Variants in CASQ2 observed in about 807,000 individuals in gnomAD.
CASQ2 encodes the protein calsequestrin-2.
A neutral mutation model predicts 46.5 loss-of-function variants in CASQ2; 49 were observed. The observed-to-expected ratio is 1.05, with a 90% CI of 0.84 to 1.34. The LOEUF is 1.34. Among genes scored for constraint, CASQ2 ranks in the 40% most tolerant of loss-of-function variants. The pLI is 0.00. For missense variants in CASQ2, 486 were observed against 481.3 expected (o/e 1.01, Z -0.09); for synonymous variants, 174 against 168.5 (o/e 1.03, Z -0.25).
chr1:115,757,822 A>C (rs1183430119), intron 1 of CASQ2, among the ~76,000 whole-genome samples: 1 of 152,226 alleles, frequency 6.6e-6, no homozygotes, highest in Non-Finnish European at 1.5e-5. Context: ...CAATACTTTA[A>C]AAAATTTAAC....
intron 1 of CASQ2, among the ~76,000 whole-genome samples, chr1:115,758,626 C>T (rs1472932257): frequency 6.6e-6 from 1 of 152,144 alleles, no homozygotes; most frequent in Admixed American, 6.5e-5. Context: ...TAATGTCCTC[C>T]GTGGGTGGGG....
chr1:115,702,440 G>A (rs1198720169), intron 10 of CASQ2, among the ~76,000 whole-genome samples: 1 of 152,176 alleles, frequency 6.6e-6, no homozygotes, highest in East Asian at 1.9e-4. Flanking sequence ...AACAATGCCT[G>A]AACTCTGAGG....
chr1:115,743,819 G>A (rs1648282904), intron 2 of CASQ2, among the ~76,000 whole-genome samples: 1 of 151,612 alleles, frequency 6.6e-6, no homozygotes, highest in Non-Finnish European at 1.5e-5. Flanking sequence ...CAAATGGGCA[G>A]TACATGTGTG....
At position 115,768,345 on chromosome 1, in the gene CASQ2, G is replaced by C; in HGVS notation, c.197C>G (p.Thr66Arg). ...TTCTTTCAGTTGGAACTGTTTTTGC[G>C]TGACCTTATCTGAAGACACCGGCTC... ...YHEPVSSDKV[T>R]QKQFQLKEIV... is the part of the protein sequence containing the mutation. Residue 66 changes from threonine to arginine, a missense_variant, in exon 1 of 11, where the codon ACG (threonine) becomes AGG (arginine). Coordinates refer to ENST00000261448, the MANE Select transcript of CASQ2 (RefSeq NM_001232.4). The C allele has an allele frequency of 6.2e-7, 1 of 1,613,754 alleles. No homozygotes were observed. Among genetic ancestry groups the C allele is most frequent in the Non-Finnish European group, 8.5e-7 (1 of 1,179,756 alleles).
At chr1:115,715,865 A>C (rs978248566) in intron 8 of CASQ2, among the ~76,000 whole-genome samples, 5 of 152,174 alleles carry the variant, frequency 3.3e-5, no homozygotes, top group Admixed American at 2.6e-4. Context: ...TCTGCCAGAC[A>C]AATATTTATT....
At chr1:115,745,289 C>T (rs984302136) in intron 1 of CASQ2, among the ~76,000 whole-genome samples, 1 of 152,134 alleles carries the variant, frequency 6.6e-6, no homozygotes, top group Non-Finnish European at 1.5e-5. Context: ...GCCAAATGTA[C>T]CTGGGGCAGA....
At chr1:115,726,219 G>T (rs533278786) in intron 6 of CASQ2, among the ~76,000 whole-genome samples, 1 of 152,338 alleles carries the variant, frequency 6.6e-6, no homozygotes, top group African/African-American at 2.4e-5. Flanking sequence ...GGACAAGCCA[G>T]TGAGTCCACT....
intron 7 of CASQ2, among the ~76,000 whole-genome samples, chr1:115,720,703 A>C (rs1647337421): frequency 6.6e-6 from 1 of 152,194 alleles, no homozygotes. Context: ...CTTCCTTTGG[A>C]TACCCCAGCA....
intron 7 of CASQ2, among the ~76,000 whole-genome samples, chr1:115,724,929 T>C (rs938618074): frequency 1.3e-5 from 2 of 152,192 alleles, no homozygotes; most frequent in Admixed American, 6.5e-5. Context: ...GCTCTGATGA[T>C]CAATGAACAG....
intron 1 of CASQ2, among the ~76,000 whole-genome samples, chr1:115,751,002 G>A (rs972840285): frequency 3.4e-5 from 5 of 149,148 alleles, no homozygotes; most frequent in Non-Finnish European, 7.5e-5. Flanking sequence ...AGTGCACAGG[G>A]CTTGGAATCA....
intron 4 of CASQ2, among the ~76,000 whole-genome samples, chr1:115,735,899 C>T (rs147668106): frequency 0.015 from 2,264 of 152,270 alleles, 46 homozygotes; most frequent in African/African-American, 0.05. Flanking sequence ...TAGTGGCTCA[C>T]GCCTGTAATC....
At chr1:115,761,463 G>GA (rs1557806732) in intron 1 of CASQ2, among the ~76,000 whole-genome samples, 1 of 12,938 alleles carries the variant, frequency 7.7e-5, no homozygotes. Context: ...AGAAGAAGAA[G>GA]GAGAAGAAGA....
intron 1 of CASQ2, among the ~76,000 whole-genome samples, chr1:115,758,408 C>G (rs1271006591): frequency 6.6e-6 from 1 of 152,164 alleles, no homozygotes; most frequent in Non-Finnish European, 1.5e-5. Flanking sequence ...TGTTGAATAC[C>G]TACTGAGTCA....
intron 1 of CASQ2, among the ~76,000 whole-genome samples, chr1:115,755,936 T>C (rs1648744747): frequency 1.3e-5 from 2 of 152,316 alleles, no homozygotes; most frequent in East Asian, 3.9e-4. Context: ...CACAGCTAGG[T>C]GCTACTGCCA....
Position 115,722,037 on chromosome 1 carries a change from G to A in CASQ2, c.783+3471C>T, listed in dbSNP as rs1225208036. On this transcript the variant is annotated intron_variant, in intron 7 of 10. Transcript: ENST00000261448. ...AAAGTGGCTCCTCAGAGGTCCTTTG[G>A]ATGGACTGATTTCTGTTTCTCCCTT... Among the ~76,000 whole-genome samples, 4 of 152,276 alleles carry A rather than the reference G, an allele frequency of 2.6e-5. No homozygotes were observed. The East Asian group carries it at 5.8e-4, about 22-fold the overall frequency.
chr1:115,765,322 C>T (rs1290544058), intron 1 of CASQ2, among the ~76,000 whole-genome samples: 1 of 152,204 alleles, frequency 6.6e-6, no homozygotes, highest in Admixed American at 6.5e-5. Flanking sequence ...AGGCAGTGAC[C>T]TCCTCACTCT....
Position 115,701,333 on chromosome 1 carries a change from T to A in CASQ2, c.1108A>T (p.Ile370Leu). ...TCTTCATCATCATCTTCAGTGTTTA[T>A]CTTTCCAGAAAGCACATCCTCAATC... Reference protein sequence around the residue: ...DWIEDVLSGKINTEDDDEDDD... With the variant: ...DWIEDVLSGKLNTEDDDEDDD... Residue 370 changes from isoleucine to leucine, a missense_variant, in exon 11 of 11, where the codon ATA becomes TTA. Coordinates refer to ENST00000261448, the MANE Select transcript of CASQ2 (RefSeq NM_001232.4). The A allele has an allele frequency of 1.2e-6, 2 of 1,612,184 alleles. No homozygotes were observed. Among genetic ancestry groups the A allele is most frequent in the Middle Eastern group, 1.7e-4 (1 of 6,058 alleles).
chr1:115,748,186 TA>T (rs1413295276), intron 1 of CASQ2, among the ~76,000 whole-genome samples: 1 of 152,218 alleles, frequency 6.6e-6, no homozygotes, highest in Non-Finnish European at 1.5e-5. Flanking sequence ...ACTCATACTA[TA>T]AATCCCTCTA....
At chr1:115,754,816 T>C (rs1199992313) in intron 1 of CASQ2, among the ~76,000 whole-genome samples, 2 of 152,230 alleles carry the variant, frequency 1.3e-5, no homozygotes. Flanking sequence ...AGGAGTATCA[T>C]GTATACAAGT....
Sources: allele counts gnomAD v4.1 joint callset (sites outside exome capture counted in the v4.1 genomes callset), GRCh38; gene constraint gnomAD v4.1.1; transcripts MANE v1.5; gene names NCBI Gene and HGNC (gene_info 2026-07-23, HGNC 2026-07-21).